Variants in LARGE1 observed in about 807,000 individuals in gnomAD.
LARGE1 encodes the protein LARGE xylosyl- and glucuronyltransferase 1, also known as xylosyl- and glucuronyltransferase LARGE1.
A neutral mutation model predicts 87.6 loss-of-function variants in LARGE1; 43 were observed. The observed-to-expected ratio is 0.49, with a 90% CI of 0.38 to 0.63. LARGE1 has a LOEUF of 0.63. Ranked by LOEUF, LARGE1 falls within the 30% of genes least tolerant of loss-of-function variation. LARGE1 has a pLI of 0.00. For synonymous variants in LARGE1, 434 were observed against 394.6 expected, an observed-to-expected ratio of 1.10 and a Z score of -1.18; for missense variants, 802 against 1,000.2, an observed-to-expected ratio of 0.80 and a Z score of 2.67.
At chr22:33,907,876 C>T (rs1391661190) in intron 1 of LARGE1, among the ~76,000 whole-genome samples, 2 of 152,270 alleles carry the variant, frequency 1.3e-5, no homozygotes, top group East Asian at 1.9e-4. Flanking sequence ...GGATTCCAGG[C>T]GTAAGCCACC....
intron 2 of LARGE1, among the ~76,000 whole-genome samples, chr22:33,758,760 G>C (rs1017200180): frequency 6.6e-6 from 1 of 152,168 alleles, no homozygotes; most frequent in African/African-American, 2.4e-5. Context: ...CCATAATCCA[G>C]ATCAACTTCT....
At chr22:33,748,024 CAAAAAAAAAAAA>C (rs535230421) in intron 2 of LARGE1, among the ~76,000 whole-genome samples, 8 of 21,736 alleles carry the variant, frequency 3.7e-4, no homozygotes, top group South Asian at 2.7e-3. Flanking sequence ...TCTGCTGGAG[CAAAAAAAAAAAA>C]AAAAAAAAAA....
At chr22:33,763,656 C>T (rs1358098182) in intron 1 of LARGE1, among the ~76,000 whole-genome samples, 5 of 152,082 alleles carry the variant, frequency 3.3e-5, no homozygotes, top group Admixed American at 3.3e-4. Flanking sequence ...GACCAAGTCC[C>T]CTGTCTCTGG....
chr22:33,331,129 G>A lies in LARGE1; in HGVS notation c.1287+6517C>T, dbSNP rs1268454030. On this transcript the variant is annotated intron_variant, in intron 10 of 14. Transcript: ENST00000397394. ...GAAGAAACTCATCCCAAGGCACACTGTGTTCCTGGTGCCAAGTCCTTCTTT... is the reference window on the plus strand; with the variant it reads ...GAAGAAACTCATCCCAAGGCACACTATGTTCCTGGTGCCAAGTCCTTCTTT... Among the ~76,000 whole-genome samples, 3 of 152,294 alleles carry A rather than the reference G, an allele frequency of 2.0e-5. No homozygotes were observed. The East Asian group carries it at 5.8e-4, about 29-fold the overall frequency.
chr22:33,264,205 G>C (rs1351374856), intron 11 of LARGE1, among the ~76,000 whole-genome samples: 4 of 152,214 alleles, frequency 2.6e-5, no homozygotes, highest in Non-Finnish European at 4.4e-5. Flanking sequence ...TAAGGCCAGA[G>C]GGACAAGGCT....
At chr22:33,638,906 A>T (rs2080348506) in intron 3 of LARGE1, among the ~76,000 whole-genome samples, 1 of 152,240 alleles carries the variant, frequency 6.6e-6, no homozygotes, top group Non-Finnish European at 1.5e-5. Flanking sequence ...ATCAGAGGAT[A>T]ACATTCATTC....
At chr22:33,115,316 C>T in the LARGE1 span, among the ~76,000 whole-genome samples, 3 of 152,052 alleles carry the variant, frequency 2.0e-5, no homozygotes, top group Middle Eastern at 3.2e-3. Context: ...CAGTGGCTCA[C>T]GGCTGTAATC....
intron 1 of LARGE1, among the ~76,000 whole-genome samples, chr22:33,786,634 T>C (rs2085650703): frequency 6.6e-6 from 1 of 152,194 alleles, no homozygotes; most frequent in African/African-American, 2.4e-5. Context: ...TCCCCTGGCA[T>C]TTCCCTCAGG....
chr22:33,882,273 G>A (rs982622543), intron 1 of LARGE1, among the ~76,000 whole-genome samples: 1 of 152,004 alleles, frequency 6.6e-6, no homozygotes, highest in African/African-American at 2.4e-5. Flanking sequence ...CTCGTGATCC[G>A]CTCGCCTCGG....
intron 11 of LARGE1, among the ~76,000 whole-genome samples, chr22:33,226,880 C>T (rs1023305873): frequency 6.6e-6 from 1 of 152,072 alleles, no homozygotes; most frequent in Non-Finnish European, 1.5e-5. Context: ...CAGGCGCCTG[C>T]CGCCGCGCCT....
intron 1 of LARGE1, among the ~76,000 whole-genome samples, chr22:33,918,920 CT>C: frequency 4.2e-5 from 2 of 47,180 alleles, no homozygotes; most frequent in African/African-American, 1.5e-4. Context: ...CCCCCACTCC[CT>C]CCTCTCTCTC....
intron 6 of LARGE1, among the ~76,000 whole-genome samples, chr22:33,547,231 G>A (rs1422313624): frequency 6.6e-6 from 1 of 151,612 alleles, no homozygotes. Flanking sequence ...GGTGGTGGGG[G>A]GGAGGGTAGG....
chr22:33,218,794 G>T (rs2145615254), intron 11 of LARGE1, among the ~76,000 whole-genome samples: 1 of 152,274 alleles, frequency 6.6e-6, no homozygotes, highest in South Asian at 2.1e-4. Flanking sequence ...GAAGGCTGTG[G>T]TCTGGCAAAA....
chr22:33,903,231 A>G (rs2065336097), intron 1 of LARGE1, among the ~76,000 whole-genome samples: 1 of 152,246 alleles, frequency 6.6e-6, no homozygotes, highest in Non-Finnish European at 1.5e-5. Flanking sequence ...TAGAGCACAG[A>G]CACACGCAGA....
chr22:33,257,003 C>T (rs1398881524), intron 11 of LARGE1, among the ~76,000 whole-genome samples: 7 of 151,850 alleles, frequency 4.6e-5, no homozygotes, highest in Non-Finnish European at 7.4e-5. Flanking sequence ...ATTGGGAGTT[C>T]GAGACCAGCC....
At chr22:33,792,896 G>A (rs2085867029) in intron 1 of LARGE1, among the ~76,000 whole-genome samples, 1 of 152,200 alleles carries the variant, frequency 6.6e-6, no homozygotes, top group South Asian at 2.1e-4. Context: ...AAAGAAAGGA[G>A]AAGGTGGGGC....
At chr22:33,141,585 G>A in the LARGE1 span, among the ~76,000 whole-genome samples, 4 of 151,772 alleles carry the variant, frequency 2.6e-5, no homozygotes, top group African/African-American at 9.7e-5. Flanking sequence ...CTCATCCAAA[G>A]GACAATTTTT....
At chr22:33,615,749 A>G (rs1194552163) in intron 4 of LARGE1, among the ~76,000 whole-genome samples, 1 of 152,164 alleles carries the variant, frequency 6.6e-6, no homozygotes, top group Non-Finnish European at 1.5e-5. Flanking sequence ...AGAGTGGGAG[A>G]TAATATTTTC....
At chr22:33,109,222 C>T in the LARGE1 span, 3 of 152,096 alleles carry the variant, frequency 2.0e-5, no homozygotes, top group African/African-American at 7.2e-5. Flanking sequence ...TCTCTACCAT[C>T]TAACAAGCCA....
Sources: gnomAD v4.1 joint callset for allele counts (sites outside exome capture counted in the v4.1 genomes callset) on GRCh38, gnomAD v4.1.1 for gene constraint, MANE v1.5 for transcripts, NCBI Gene and HGNC (gene_info 2026-07-23, HGNC 2026-07-21) for gene names.